The following STAG1 variants were observed in gnomAD, a reference collection of about 807,000 sequenced individuals.
The protein encoded by STAG1 is STAG1 cohesin complex component.
In STAG1, 26 loss-of-function variants were observed where a neutral mutation model predicts 170.9. The ratio of observed to expected loss-of-function variants is 0.15; its 90% CI spans 0.11 to 0.21. The LOEUF (loss-of-function observed/expected upper bound fraction) is 0.21, where lower values mean the gene tolerates loss of function less well. Among genes scored for constraint, STAG1 ranks in the 10% least tolerant of loss-of-function variants. The pLI is 1.00. For synonymous variants in STAG1, 514 were observed against 497.7 expected (o/e 1.03, Z -0.44); for missense variants, 964 against 1,509.5 (o/e 0.64, Z 5.99).
intron 1 of STAG1, among the ~76,000 whole-genome samples, chr3:136,672,702 G>T (rs775326795): frequency 2.0e-5 from 3 of 152,018 alleles, no homozygotes; most frequent in Admixed American, 6.6e-5. Flanking sequence ...ACTCCACCCC[G>T]CAACACACAC....
chr3:136,478,671 T>C (rs919052085), intron 9 of STAG1, among the ~76,000 whole-genome samples: 5 of 152,196 alleles, frequency 3.3e-5, no homozygotes, highest in Admixed American at 2.0e-4. Context: ...CTAATAAGTC[T>C]CAGTTCTCTC....
At chr3:136,359,783 A>G (rs1936791533) in intron 26 of STAG1, among the ~76,000 whole-genome samples, 1 of 152,256 alleles carries the variant, frequency 6.6e-6, no homozygotes, top group Non-Finnish European at 1.5e-5. Context: ...TGCTGGGATT[A>G]CAGGCGTGAG....
intron 26 of STAG1, 73 bp from the exon 27 acceptor site, chr3:136,359,369 TA>T (rs879554472): frequency 3.1e-5 from 34 of 1,113,434 alleles, no homozygotes; most frequent in Non-Finnish European, 3.9e-5. Flanking sequence ...AATAGGTAAT[TA>T]AAAAATATGT....
chr3:136,521,495 C>G, intron 6 of STAG1, 78 bp from the exon 7 acceptor site: 10 of 1,231,178 alleles, frequency 8.1e-6, no homozygotes, highest in Non-Finnish European at 1.2e-5. Context: ...TTCCTACCTA[C>G]ATAGGAACCC....
At chr3:136,604,509 G>T in intron 3 of STAG1, 36 bp from the exon 4 acceptor site, 1 of 1,546,372 alleles carries the variant, frequency 6.5e-7, no homozygotes, top group Non-Finnish European at 8.7e-7. Context: ...CATTCGATTA[G>T]GTTTACTTTG....
chr3:136,347,418 A>AT (rs1936272789), intron 29 of STAG1, among the ~76,000 whole-genome samples: 1 of 141,888 alleles, frequency 7.0e-6, no homozygotes. Context: ...AAAAAAAAAA[A>AT]GGAAATGCCT....
At chr3:136,586,992 T>G in intron 4 of STAG1, 2 of 424,740 alleles carry the variant, frequency 4.7e-6, no homozygotes, top group Non-Finnish European at 9.3e-6. Flanking sequence ...GAAGAAAAGA[T>G]AGCTACCACT....
chr3:136,349,491 A>C (rs1323017943), intron 28 of STAG1, 128 bp from the exon 29 acceptor site: 14 of 682,024 alleles, frequency 2.1e-5, no homozygotes, highest in Non-Finnish European at 3.5e-5. Flanking sequence ...TAAACTATTA[A>C]CAGTGGTCAC....
chr3:136,561,056 G>A (rs1225862877), intron 5 of STAG1, among the ~76,000 whole-genome samples: 1 of 152,062 alleles, frequency 6.6e-6, no homozygotes, highest in African/African-American at 2.4e-5. Flanking sequence ...GGCTCACACA[G>A]TAAAATGCCA....
In STAG1 at chr3:136,359,130, A is replaced by G; in HGVS notation, c.2936+18T>C. On this transcript the variant is annotated intron_variant, in intron 27 of 33. Transcript: ENST00000383202. The stretch of plus-strand genomic sequence containing the variant: ...AAGTAAATCAGATTCTGCATAACAA[A>G]GTGTTTATCTCACTCACTTGTGAAG... The G allele has an allele frequency of 6.3e-7, 1 of 1,575,648 alleles. No individual in the cohort carries two copies. The highest frequency in any genetic ancestry group is 1.2e-5 in the South Asian group (1 of 85,454).
At chr3:136,575,795 G>A (rs1937435504) in intron 4 of STAG1, among the ~76,000 whole-genome samples, 1 of 151,900 alleles carries the variant, frequency 6.6e-6, no homozygotes, top group African/African-American at 2.4e-5. Context: ...ATGTTTGGAA[G>A]TTGTGCATAT....
chr3:136,623,319 T>A, intron 2 of STAG1, 71 bp from the exon 3 acceptor site: 1 of 1,362,630 alleles, frequency 7.3e-7, no homozygotes, highest in Non-Finnish European at 1.0e-6. Flanking sequence ...CTACTTTCCT[T>A]ACCACCTGCT....
chr3:136,642,274 T>C (rs1334667581), intron 1 of STAG1, among the ~76,000 whole-genome samples: 1 of 139,702 alleles, frequency 7.2e-6, no homozygotes, highest in Non-Finnish European at 1.6e-5. Flanking sequence ...CTTTTTTTTT[T>C]TTTTTTTTTT....
intron 6 of STAG1, among the ~76,000 whole-genome samples, chr3:136,527,494 CCAGTCTTTTTTTGGTTTT>C (rs1384133317): frequency 6.6e-6 from 1 of 152,124 alleles, no homozygotes; most frequent in Admixed American, 6.5e-5. Flanking sequence ...AGCCATTCGT[CCAGTCTTTTTTTGGTTTT>C]CAGCTTCTTT....
At chr3:136,375,969 A>AAAAT (rs3072456) in intron 23 of STAG1, among the ~76,000 whole-genome samples, 24,334 of 124,564 alleles carry the variant, frequency 0.2, 2,664 homozygotes, top group African/African-American at 0.24. Context: ...ACTCCGTCTC[A>AAAAT]AAATAAATAA....
intron 30 of STAG1, among the ~76,000 whole-genome samples, chr3:136,342,241 G>A (rs1201048038): frequency 2.6e-5 from 4 of 151,972 alleles, no homozygotes; most frequent in Admixed American, 6.6e-5. Flanking sequence ...GGATGGTCTC[G>A]ATCTCCTGAC....
chr3:136,736,447 A>G (rs1236363375), intron 1 of STAG1: 4 of 1,236,114 alleles, frequency 3.2e-6, no homozygotes, highest in Non-Finnish European at 4.8e-6. Context: ...TCGAAGCAGG[A>G]AGGGAGATAG....
At chr3:136,346,753 A>C (rs1936236861) in intron 29 of STAG1, among the ~76,000 whole-genome samples, 1 of 152,270 alleles carries the variant, frequency 6.6e-6, no homozygotes, top group Non-Finnish European at 1.5e-5. Context: ...ATGTTAAAAC[A>C]TATTCCTAGT....
chr3:136,572,208 G>C (rs1937285793), intron 4 of STAG1, among the ~76,000 whole-genome samples: 1 of 151,894 alleles, frequency 6.6e-6, no homozygotes, highest in Admixed American at 6.6e-5. Flanking sequence ...GAGCAAGACT[G>C]TTTCAATTAA....
Sources: gnomAD v4.1 joint callset for allele counts (sites outside exome capture counted in the v4.1 genomes callset) on GRCh38, gnomAD v4.1.1 for gene constraint, MANE v1.5 for transcripts, NCBI Gene and HGNC (gene_info 2026-07-23, HGNC 2026-07-21) for gene names.